The following SNRPN variants were observed in gnomAD, a reference collection of about 807,000 sequenced individuals.
SNRPN encodes small nuclear ribonucleoprotein-associated protein N.
A neutral mutation model predicts 25.2 loss-of-function variants in SNRPN; 7 were observed. That is an observed-to-expected ratio of 0.28 (90% confidence interval 0.16 to 0.52). The LOEUF is 0.52. SNRPN is among the 20% of genes least tolerant of loss of function. The pLI is 0.96. For synonymous variants in SNRPN, 124 were observed against 110.6 expected, an observed-to-expected ratio of 1.12 and a Z score of -0.76; for missense variants, 196 against 322.5, an observed-to-expected ratio of 0.61 and a Z score of 3.00.
chr15:24,848,990 CCCGACTCCCTGGTTCAGGCAGTTCTGCCG>C (rs1226712216), intron 2 of SNRPN: 4 of 152,070 alleles, frequency 2.6e-5, no homozygotes, highest in Non-Finnish European at 4.4e-5. Context: ...CACTGCAACC[CCCGACTCCCTGGTTCAGGCAGTTCTGCCG>C]CCGACTCCCT....
At chr15:24,883,007 G>A (rs2056872201) in intron 1 of SNRPN, among the ~76,000 whole-genome samples, 1 of 151,996 alleles carries the variant, frequency 6.6e-6, no homozygotes, top group South Asian at 2.1e-4. Flanking sequence ...AATATCTCAT[G>A]TAATTCATAA....
intron 2 of SNRPN, among the ~76,000 whole-genome samples, chr15:24,965,611 A>G (rs1157183984): frequency 6.6e-6 from 1 of 152,226 alleles, no homozygotes; most frequent in African/African-American, 2.4e-5. Flanking sequence ...TTGTCACTAA[A>G]TTAGCTCTTA....
chr15:24,965,997 A>G (rs1398680650), intron 2 of SNRPN, among the ~76,000 whole-genome samples: 1 of 152,198 alleles, frequency 6.6e-6, no homozygotes, highest in Non-Finnish European at 1.5e-5. Context: ...TGATTAGACT[A>G]TGAATTAGAG....
chr15:24,942,687 A>G (rs1463885409), intron 3 of SNRPN, among the ~76,000 whole-genome samples: 1 of 152,182 alleles, frequency 6.6e-6, no homozygotes, highest in Non-Finnish European at 1.5e-5. Context: ...TGGCCCTTCC[A>G]TGATGGAGGG....
intron 2 of SNRPN, among the ~76,000 whole-genome samples, chr15:24,911,357 A>G (rs1487177958): frequency 6.6e-6 from 1 of 152,152 alleles, no homozygotes; most frequent in Non-Finnish European, 1.5e-5. Flanking sequence ...CCCTGAAGAC[A>G]TTTCAGAGAG....
At chr15:24,829,154 G>T (rs1243562240) in intron 1 of SNRPN, among the ~76,000 whole-genome samples, 3 of 152,132 alleles carry the variant, frequency 2.0e-5, no homozygotes, top group Admixed American at 6.5e-5. Flanking sequence ...TTCACTATAT[G>T]TGTGGGGCTC....
intron 3 of SNRPN, among the ~76,000 whole-genome samples, chr15:24,946,317 G>A (rs2061880413): frequency 6.6e-6 from 1 of 152,126 alleles, no homozygotes; most frequent in South Asian, 2.1e-4. Context: ...TGAGGTGGGA[G>A]GATAGCTTCA....
intron 1 of SNRPN, among the ~76,000 whole-genome samples, chr15:24,871,564 G>A (rs1194710807): frequency 6.6e-6 from 1 of 151,760 alleles, no homozygotes; most frequent in African/African-American, 2.4e-5. Flanking sequence ...TGCCCTTTGG[G>A]GATACATATT....
At chr15:24,861,704 T>A (rs1343179534) in intron 1 of SNRPN, among the ~76,000 whole-genome samples, 1 of 152,198 alleles carries the variant, frequency 6.6e-6, no homozygotes, top group East Asian at 1.9e-4. Context: ...ATATGTTGTC[T>A]TTCCTTGACA....
At chr15:24,830,908 G>C (rs969272983) in intron 2 of SNRPN, among the ~76,000 whole-genome samples, 7 of 151,948 alleles carry the variant, frequency 4.6e-5, no homozygotes, top group Non-Finnish European at 8.8e-5. Flanking sequence ...CCCGTTGTTG[G>C]ATAAAGTCTG....
chr15:24,968,969 C>G (rs2076048062), intron 3 of SNRPN: 1 of 151,500 alleles, frequency 6.6e-6, no homozygotes. Flanking sequence ...AGAATGCCCT[C>G]ATTTCTGAGA....
chr15:24,885,896 T>G (rs1033170223), intron 1 of SNRPN, among the ~76,000 whole-genome samples: 5 of 152,282 alleles, frequency 3.3e-5, no homozygotes, highest in Admixed American at 6.5e-5. Context: ...CATTTCAAAA[T>G]AATAGCGTGA....
chr15:24,964,022 A>T (rs892685012), intron 2 of SNRPN, among the ~76,000 whole-genome samples: 7 of 152,092 alleles, frequency 4.6e-5, no homozygotes, highest in Admixed American at 2.6e-4. Flanking sequence ...ACAGAATGAG[A>T]TCTAGTCTCA....
intron 2 of SNRPN, among the ~76,000 whole-genome samples, chr15:24,893,699 TA>T (rs59839840): frequency 2.0e-4 from 30 of 150,584 alleles, no homozygotes; most frequent in Admixed American, 1.9e-3. Context: ...ACATTCCCAT[TA>T]AAAAAAAATG....
At chr15:24,945,343 T>TAAGAA (rs2061812326) in intron 3 of SNRPN, among the ~76,000 whole-genome samples, 1 of 83,748 alleles carries the variant, frequency 1.2e-5, no homozygotes, top group African/African-American at 5.0e-5. Context: ...ACCCACCATG[T>TAAGAA]AAAAAAAAAA....
rs749303941 is a variant in SNRPN, at chr15:24,873,542, G to C, written c.-578-12974G>C. ...GGCTCACTGCAAGCTCCGCCTCCCC[G>C]GTTCACACCATTCTCCTGCCTCAGC... On this transcript the variant is annotated intron_variant, in intron 1 of 11. Coordinates refer to the SNRPN transcript ENST00000400097. Among the ~76,000 whole-genome samples the C allele has an allele frequency of 2.9e-4, 44 of 150,150 alleles. 1 individual carries two copies. Among genetic ancestry groups the C allele is most frequent in the Non-Finnish European group, 7.4e-5 (5 of 67,650 alleles).
chr15:24,847,362 C>G (rs1159614885), intron 2 of SNRPN, among the ~76,000 whole-genome samples: 1 of 152,110 alleles, frequency 6.6e-6, no homozygotes, highest in Non-Finnish European at 1.5e-5. Flanking sequence ...AAATATTGGC[C>G]GGGCACTGTG....
chr15:24,907,048 C>CA (rs1477483356), intron 2 of SNRPN, among the ~76,000 whole-genome samples: 1 of 151,524 alleles, frequency 6.6e-6, no homozygotes, highest in Admixed American at 6.6e-5. Context: ...AAAATAATGC[C>CA]AAAAAAGAGG....
At chr15:24,946,207 T>C (rs1387138916) in intron 3 of SNRPN, among the ~76,000 whole-genome samples, 1 of 152,070 alleles carries the variant, frequency 6.6e-6, no homozygotes, top group Admixed American at 6.6e-5. Context: ...TTGAGTACGG[T>C]TCTTTTCTTT....
Sources: allele counts gnomAD v4.1 joint callset (sites outside exome capture counted in the v4.1 genomes callset), GRCh38; gene constraint gnomAD v4.1.1; transcripts MANE v1.5; gene names NCBI Gene and HGNC (gene_info 2026-07-23, HGNC 2026-07-21).